Variants in TP53I13 observed in about 807,000 individuals in gnomAD.
TP53I13 encodes the protein tumor protein p53-inducible protein 13.
Under a neutral mutation model 39.1 loss-of-function variants are expected in TP53I13, and 27 were observed. That is an observed-to-expected ratio of 0.69 (90% confidence interval 0.51 to 0.95). The LOEUF (loss-of-function observed/expected upper bound fraction) is 0.95. Among genes scored for constraint, TP53I13 ranks in the 40% least tolerant of loss-of-function variants. TP53I13 has a pLI of 0.00. For synonymous variants in TP53I13, 230 were observed against 224.6 expected, an observed-to-expected ratio of 1.02 and a Z score of -0.22; for missense variants, 544 against 520.4, an observed-to-expected ratio of 1.05 and a Z score of -0.44.
In TP53I13 at chr17:29,572,592, G is replaced by T. The variant is rs745353683; in HGVS notation, c.964G>T (p.Val322Leu). The change falls in exon 6 of 7, where the codon GTG (valine) becomes TTG (leucine). Residue 322 changes from valine to leucine, a missense_variant. Coordinates refer to ENST00000301057, the MANE Select transcript of TP53I13 (RefSeq NM_138349.4). The stretch of plus-strand genomic sequence containing the variant: ...TGCCATGGCCCTGACCTTCCTGCTG[G>T]TGCTGCTCACCCTGGCCACGCTCTG... ...WAAMALTFLL[V>L]LLTLATLCTR... 7 of 1,593,486 alleles carry T rather than the reference G, an allele frequency of 4.4e-6. No homozygotes were observed. In the East Asian group the frequency reaches 1.6e-4, roughly 37 times the overall value.
chr17:29,575,697 G>A, downstream of TP53I13: 1 of 1,612,314 alleles, frequency 6.2e-7, no homozygotes. This position sits in a 1 kb window ranked among gnomAD's most constrained non-coding sequence, Gnocchi z 5.5. Context: ...TGGCGGGAAA[G>A]CTTGCTCTGG....
chr17:29,571,432 C>A, intron 3 of TP53I13, 159 bp from the exon 4 acceptor site: 1 of 935,476 alleles, frequency 1.1e-6, no homozygotes, highest in Non-Finnish European at 1.6e-6. Context: ...TGGGTACATG[C>A]CAATACCCAG....
downstream of TP53I13, chr17:29,574,084 C>T (rs1488384068): frequency 1.3e-5 from 2 of 151,956 alleles, no homozygotes; most frequent in African/African-American, 4.9e-5. Context: ...CGCGGGGGCA[C>T]TCAGTTACCA....
At position 29,572,924 on chromosome 17, in the gene TP53I13, A is replaced by C; in HGVS notation, c.1182A>C (p.Ter394CysextTer?). ...DSGPEGESSE[*>C] ...GCCCGGAAGGCGAGAGCTCGGAGTG[A>C]CGGCCTGGGACCTGCCACTGTGGCG... Residue 394 changes from the stop codon to cysteine (C), a stop_lost, in exon 7 of 7, where the codon TGA (stop) becomes TGC (cysteine). Coordinates refer to ENST00000301057, the MANE Select transcript of TP53I13 (RefSeq NM_138349.4). 3 of 1,474,832 alleles carry C rather than the reference A, an allele frequency of 2.0e-6. No homozygotes were observed. Among genetic ancestry groups the C allele is most frequent in the Non-Finnish European group, 2.7e-6 (3 of 1,118,384 alleles). The allele number at this position is 1,474,832 out of a possible 1,614,324, so 91.4% of individuals were successfully genotyped here.
chr17:29,579,244 G>A, the TP53I13 span: 1 of 538,080 alleles, frequency 1.9e-6, no homozygotes, highest in East Asian at 3.0e-5. Context: ...TCACCCTCCA[G>A]TCCTAGTGAA....
chr17:29,569,772 G>A (rs565042411), intron 3 of TP53I13: 2 of 206,160 alleles, frequency 9.7e-6, no homozygotes, highest in South Asian at 1.8e-4. Context: ...CAGCGAGGGA[G>A]GGTATGTGCC....
At chr17:29,571,810 T>C (rs565977) in intron 4 of TP53I13, 47 bp from the exon 5 acceptor site, 1,101,487 of 1,612,470 alleles carry the variant, frequency 0.68, 377,412 homozygotes, top group East Asian at 0.74. Flanking sequence ...TTTCCTCTTG[T>C]TTGTCCCCAC....
Position 29,572,711 on chromosome 17 carries a change from T to TCCCTA in TP53I13, c.1069+23_1069+27dup. 1 of 1,518,652 alleles carries TCCCTA rather than the reference T, an allele frequency of 6.6e-7. No homozygotes were observed. The highest frequency in any genetic ancestry group is 8.8e-7 in the Non-Finnish European group (1 of 1,129,950). 94.1% of individuals were successfully genotyped at this position (1,518,652 alleles called of 1,614,324 possible). A position where few individuals can be genotyped will look rare whatever the true frequency, so the allele number is the denominator to read the frequency against. On this transcript the variant is annotated intron_variant, in intron 6 of 6. Transcript: ENST00000301057. ...ACACAGTGGCTGGTGAGGAGTTCCC[T>TCCCTA]CCCTACCCTACCCGAGGCCCCCGCC...
At chr17:29,566,609 G>A (rs1272715509), upstream of TP53I13, 3 of 1,609,110 alleles carry the variant, frequency 1.9e-6, no homozygotes, top group South Asian at 1.1e-5. Context: ...GCCAGCTCAG[G>A]CCCAGGCGCT....
downstream of TP53I13, chr17:29,576,083 A>G (rs745577793): frequency 6.2e-6 from 10 of 1,613,450 alleles, no homozygotes; most frequent in Non-Finnish European, 8.5e-6. Context: ...CTTACCCGGT[A>G]AAGGCCAGCA....
At chr17:29,576,356 G>A (rs762446004), downstream of TP53I13, 2 of 1,613,442 alleles carry the variant, frequency 1.2e-6, no homozygotes, top group Non-Finnish European at 1.7e-6. Context: ...TGGCGCCATG[G>A]GTGTGTGTTC....
At chr17:29,580,054 T>C in the TP53I13 span, among the ~76,000 whole-genome samples, 3 of 152,124 alleles carry the variant, frequency 2.0e-5, no homozygotes, top group Non-Finnish European at 4.4e-5. Flanking sequence ...ATGCAGCATT[T>C]CTACCCTCCA....
upstream of TP53I13, among the ~76,000 whole-genome samples, chr17:29,567,644 C>T (rs954957903): frequency 6.6e-6 from 1 of 152,106 alleles, no homozygotes; most frequent in Non-Finnish European, 1.5e-5. This position sits in a 1 kb window ranked among gnomAD's most constrained non-coding sequence, Gnocchi z 6.6. Context: ...GTGGACTCCT[C>T]GCCCCCGTCC....
the TP53I13 span, among the ~76,000 whole-genome samples, chr17:29,579,941 C>T: frequency 6.6e-6 from 1 of 152,148 alleles, no homozygotes; most frequent in Non-Finnish European, 1.5e-5. Flanking sequence ...CCTGCTGATG[C>T]TCTCGGGGCT....
At chr17:29,576,042 T>C, downstream of TP53I13, 1 of 1,608,760 alleles carries the variant, frequency 6.2e-7, no homozygotes, top group Non-Finnish European at 8.5e-7. Flanking sequence ...GCTCAGAACC[T>C]ACTGGCTAAG....
In TP53I13 at chr17:29,572,368, C is replaced by T. The variant is rs770746489; in HGVS notation, c.740C>T (p.Pro247Leu). Reference sequence around the variant, plus strand: ...ATCCCTGGTAGGGAGAGTAATGCCCCATCTGTGCCCACTGTCTCCCTGCTG... The same window carrying T: ...ATCCCTGGTAGGGAGAGTAATGCCCTATCTGTGCCCACTGTCTCCCTGCTG... ...AGIPGRESNA[P>L]SVPTVSLLPG... Residue 247 changes from proline to leucine, a missense_variant, in exon 6 of 7, where the codon CCA (proline) becomes CTA (leucine). Coordinates refer to ENST00000301057, the MANE Select transcript of TP53I13 (RefSeq NM_138349.4). The T allele has an allele frequency of 6.2e-7, 1 of 1,604,096 alleles. No individual in the cohort carries two copies. The highest frequency in any genetic ancestry group is 8.5e-7 in the Non-Finnish European group (1 of 1,173,142).
chr17:29,579,724 TA>T, the TP53I13 span, among the ~76,000 whole-genome samples: 559 of 141,434 alleles, frequency 4.0e-3, no homozygotes, highest in Middle Eastern at 7.0e-3. Context: ...CCCCAACTCT[TA>T]AAAAAAAAAA....
chr17:29,574,936 C>T, downstream of TP53I13: 2 of 1,539,732 alleles, frequency 1.3e-6, no homozygotes, highest in Non-Finnish European at 1.8e-6. Context: ...AGGAGTGAGG[C>T]TGGACCTTGG....
intron 2 of TP53I13, 107 bp from the exon 3 acceptor site, chr17:29,569,211 C>T (rs907787726): frequency 2.3e-4 from 349 of 1,486,446 alleles, no homozygotes; most frequent in Middle Eastern, 1.7e-3. Flanking sequence ...TCCTCAGTAG[C>T]CAACTTCTCC....
Sources: gnomAD v4.1 joint callset for allele counts (sites outside exome capture counted in the v4.1 genomes callset) on GRCh38, gnomAD v4.1.1 for gene constraint, Gnocchi (gnomAD v3.1) non-coding constraint, MANE v1.5 for transcripts, NCBI Gene and HGNC (gene_info 2026-07-23, HGNC 2026-07-21) for gene names.